Variants in DRC8 observed in about 807,000 individuals in gnomAD.
The protein encoded by DRC8 is dynein regulatory complex protein 8.
the DRC8 span, among the ~76,000 whole-genome samples, chr1:245,073,230 G>A: frequency 2.0e-5 from 3 of 152,120 alleles, no homozygotes; most frequent in African/African-American, 7.2e-5. Flanking sequence ...CTGCCTCCCA[G>A]GTTCAAGTGT....
chr1:245,045,209 T>G, the DRC8 span, among the ~76,000 whole-genome samples: 1 of 151,910 alleles, frequency 6.6e-6, no homozygotes, highest in Non-Finnish European at 1.5e-5. Flanking sequence ...AGGTTCTTAC[T>G]GTATTGCTCA....
At chr1:245,051,854 T>C in the DRC8 span, among the ~76,000 whole-genome samples, 1 of 152,188 alleles carries the variant, frequency 6.6e-6, no homozygotes, top group Non-Finnish European at 1.5e-5. Context: ...GAGGGAGATT[T>C]GCTTCTTTGA....
chr1:244,975,740 A>G, the DRC8 span, among the ~76,000 whole-genome samples: 1 of 151,932 alleles, frequency 6.6e-6, no homozygotes, highest in Non-Finnish European at 1.5e-5. Context: ...CGTGCCTGTA[A>G]TCCCAACTAC....
At chr1:245,083,466 C>G in the DRC8 span, 3 of 1,613,608 alleles carry the variant, frequency 1.9e-6, no homozygotes, top group African/African-American at 4.0e-5. Context: ...CAGAAGATGT[C>G]CTTCTTCGAG....
the DRC8 span, among the ~76,000 whole-genome samples, chr1:245,078,822 A>G: frequency 1.4e-4 from 21 of 152,350 alleles, no homozygotes; most frequent in South Asian, 4.1e-4. Flanking sequence ...CTCACCACAC[A>G]TACAAAAAAG....
the DRC8 span, among the ~76,000 whole-genome samples, chr1:245,120,394 A>G: frequency 1.3e-5 from 2 of 152,200 alleles, no homozygotes; most frequent in African/African-American, 4.8e-5. Flanking sequence ...CTATTGCGTG[A>G]ATGTGCCATA....
chr1:245,029,202 C>T, the DRC8 span, among the ~76,000 whole-genome samples: 2 of 152,232 alleles, frequency 1.3e-5, no homozygotes, highest in Non-Finnish European at 2.9e-5. Context: ...TGGATTCAGG[C>T]TTCCCTCTTC....
At chr1:245,109,155 T>C in the DRC8 span, among the ~76,000 whole-genome samples, 1 of 152,186 alleles carries the variant, frequency 6.6e-6, no homozygotes, top group African/African-American at 2.4e-5. Context: ...ATATCCTGCC[T>C]GAGGGGCGAG....
chr1:244,972,414 G>A, the DRC8 span, among the ~76,000 whole-genome samples: 1 of 152,204 alleles, frequency 6.6e-6, no homozygotes, highest in Non-Finnish European at 1.5e-5. Context: ...CACTGTGCTA[G>A]GTGTGTATCC....
the DRC8 span, among the ~76,000 whole-genome samples, chr1:245,014,871 G>A: frequency 6.6e-6 from 1 of 152,110 alleles, no homozygotes; most frequent in Non-Finnish European, 1.5e-5. Flanking sequence ...GTACATATTT[G>A]TTGAGTGAGT....
chr1:245,103,115 A>T, the DRC8 span, among the ~76,000 whole-genome samples: 3 of 147,244 alleles, frequency 2.0e-5, no homozygotes, highest in Non-Finnish European at 4.4e-5. Context: ...GGGAGACCAG[A>T]GAGGCCAAGC....
At chr1:245,065,209 C>T in the DRC8 span, among the ~76,000 whole-genome samples, 21 of 150,574 alleles carry the variant, frequency 1.4e-4, no homozygotes, top group East Asian at 3.9e-4. Context: ...CATGCCATCA[C>T]GCCCGGCTAA....
the DRC8 span, among the ~76,000 whole-genome samples, chr1:245,090,326 T>G: frequency 6.6e-6 from 1 of 152,224 alleles, no homozygotes; most frequent in Admixed American, 6.5e-5. Flanking sequence ...CTTTCCTGCC[T>G]GAGTGATAAT....
At chr1:245,001,815 A>AT in the DRC8 span, among the ~76,000 whole-genome samples, 1 of 151,792 alleles carries the variant, frequency 6.6e-6, no homozygotes, top group African/African-American at 2.4e-5. Flanking sequence ...AGTTTTCTAA[A>AT]TTTTTTTTCT....
chr1:244,985,127 C>T, the DRC8 span, among the ~76,000 whole-genome samples: 2 of 142,726 alleles, frequency 1.4e-5, no homozygotes, highest in African/African-American at 2.7e-5. Context: ...TCACCATTCA[C>T]GCATTCTACA....
the DRC8 span, among the ~76,000 whole-genome samples, chr1:245,094,654 G>A: frequency 1.3e-5 from 2 of 152,176 alleles, no homozygotes; most frequent in Non-Finnish European, 2.9e-5. Context: ...GAGTTATCTT[G>A]CGTTCCCTGC....
At chr1:245,020,776 C>T in the DRC8 span, among the ~76,000 whole-genome samples, 8 of 151,070 alleles carry the variant, frequency 5.3e-5, no homozygotes, top group Admixed American at 1.3e-4. Flanking sequence ...CCCGCCACCA[C>T]GCCCGGCTAA....
At chr1:245,037,577 C>T in the DRC8 span, among the ~76,000 whole-genome samples, 1 of 152,050 alleles carries the variant, frequency 6.6e-6, no homozygotes, top group Non-Finnish European at 1.5e-5. Flanking sequence ...ATAAAGATAT[C>T]CGCATTTGCT....
chr1:245,092,335 A>G, the DRC8 span, among the ~76,000 whole-genome samples: 11 of 152,310 alleles, frequency 7.2e-5, no homozygotes, highest in South Asian at 1.5e-3. Context: ...GTGGGATGGA[A>G]TGTGTTTAGA....
Sources: allele counts gnomAD v4.1 joint callset (sites outside exome capture counted in the v4.1 genomes callset), GRCh38; gene constraint gnomAD v4.1.1; transcripts MANE v1.5; gene names NCBI Gene and HGNC (gene_info 2026-07-23, HGNC 2026-07-21).